The following TMEM117 variants were observed in gnomAD, a reference collection of about 807,000 sequenced individuals.
TMEM117 encodes transmembrane protein 117.
TMEM117 carries 27 observed loss-of-function variants against 52.4 expected under a neutral mutation model. The observed-to-expected ratio is 0.51, with a 90% CI of 0.38 to 0.71. TMEM117 has a LOEUF of 0.71. Ranked by LOEUF, TMEM117 falls within the 30% of genes least tolerant of loss-of-function variation. The pLI is 0.00. For missense variants in TMEM117, 556 were observed against 630.5 expected (o/e 0.88, Z 1.26); for synonymous variants, 215 against 206.3 (o/e 1.04, Z -0.36).
intron 3 of TMEM117, among the ~76,000 whole-genome samples, chr12:44,142,620 G>T (rs1400242295): frequency 2.0e-5 from 3 of 151,946 alleles, no homozygotes; most frequent in African/African-American, 7.3e-5. Flanking sequence ...ACTCTAAATT[G>T]TACAGGTATT....
chr12:44,002,875 A>G (rs73087631), intron 3 of TMEM117, among the ~76,000 whole-genome samples: 6,138 of 152,168 alleles, frequency 0.04, 202 homozygotes, highest in African/African-American at 0.089. Flanking sequence ...CAGGGACAGG[A>G]CTTTGTAGGT....
chr12:43,863,269 A>AACAC (rs1162830291), intron 2 of TMEM117, among the ~76,000 whole-genome samples: 4 of 105,046 alleles, frequency 3.8e-5, no homozygotes. Context: ...ACAACAAACA[A>AACAC]ACAAACAAAC....
At chr12:44,255,077 G>T (rs1950244072) in intron 5 of TMEM117, among the ~76,000 whole-genome samples, 1 of 152,062 alleles carries the variant, frequency 6.6e-6, no homozygotes. Flanking sequence ...ATTTGGGTTG[G>T]TTCCAAGTCT....
intron 6 of TMEM117, among the ~76,000 whole-genome samples, chr12:44,309,147 A>C (rs1004545767): frequency 6.6e-6 from 1 of 152,246 alleles, no homozygotes; most frequent in African/African-American, 2.4e-5. Context: ...CGACAAGTTC[A>C]TTAATATCAT....
intron 2 of TMEM117, among the ~76,000 whole-genome samples, chr12:43,869,240 C>CT (rs71662099): frequency 1.3e-5 from 2 of 151,976 alleles, no homozygotes; most frequent in African/African-American, 2.4e-5. Context: ...AAATGGTTCC[C>CT]TTTTTTTGTG....
At chr12:44,143,705 G>T in intron 4 of TMEM117, 81 bp downstream of exon 4, 1 of 954,574 alleles carries the variant, frequency 1.0e-6, no homozygotes, top group South Asian at 1.6e-5. Flanking sequence ...TGCTTTTGAT[G>T]ATGTAGAGTA....
chr12:44,178,644 G>A (rs984953982), intron 4 of TMEM117, among the ~76,000 whole-genome samples: 1 of 152,162 alleles, frequency 6.6e-6, no homozygotes, highest in Non-Finnish European at 1.5e-5. Flanking sequence ...GTTGAAAAGA[G>A]ATCCTAGACA....
At chr12:44,376,777 A>C in intron 7 of TMEM117, 53 bp downstream of exon 7, 8 of 1,528,116 alleles carry the variant, frequency 5.2e-6, no homozygotes, top group Non-Finnish European at 4.4e-6. Context: ...TAGTTAGGGT[A>C]ATGCTAGTTG....
At chr12:44,271,154 T>C (rs962568966) in intron 5 of TMEM117, among the ~76,000 whole-genome samples, 2 of 152,102 alleles carry the variant, frequency 1.3e-5, no homozygotes, top group African/African-American at 4.8e-5. Flanking sequence ...CCTTTCCTGG[T>C]TTTGGTATTA....
chr12:44,060,736 A>G (rs1387996341), intron 3 of TMEM117, among the ~76,000 whole-genome samples: 3 of 152,218 alleles, frequency 2.0e-5, no homozygotes, highest in Non-Finnish European at 4.4e-5. Flanking sequence ...TTAGAGCTGT[A>G]TATGTTGAAG....
intron 3 of TMEM117, among the ~76,000 whole-genome samples, chr12:44,015,089 A>G (rs1351850214): frequency 6.6e-6 from 1 of 152,144 alleles, no homozygotes; most frequent in Non-Finnish European, 1.5e-5. Flanking sequence ...TGAGACACAG[A>G]TGATGTAGTT....
intron 3 of TMEM117, among the ~76,000 whole-genome samples, chr12:44,047,354 A>T (rs1488610002): frequency 6.6e-6 from 1 of 152,130 alleles, no homozygotes; most frequent in African/African-American, 2.4e-5. Flanking sequence ...TCACATTTAA[A>T]GTGCTTTACT....
rs537747312 is a variant in TMEM117 at position 43,912,432 on chromosome 12, G to T, written c.278-31778G>T. Among the ~76,000 whole-genome samples, 10 of 150,142 alleles carry T rather than the reference G, an allele frequency of 6.7e-5. 2 individuals are homozygous for T. Among genetic ancestry groups the T allele is most frequent in the African/African-American group, 2.3e-4 (9 of 39,952 alleles). On this transcript the variant is annotated intron_variant, in intron 2 of 7. Transcript: ENST00000266534. ...TTAGTGGGTGCAGTGCACCAGCATG[G>T]CACATGTATACGTATGTAACTAACC...
chr12:44,313,156 G>T (rs1414945120), intron 6 of TMEM117, among the ~76,000 whole-genome samples: 3 of 152,114 alleles, frequency 2.0e-5, no homozygotes, highest in African/African-American at 7.2e-5. Flanking sequence ...AGTTGCTTTT[G>T]AGGACTTAGT....
intron 2 of TMEM117, among the ~76,000 whole-genome samples, chr12:43,882,735 G>A (rs1943919769): frequency 6.6e-6 from 1 of 152,156 alleles, no homozygotes; most frequent in South Asian, 2.1e-4. Flanking sequence ...TGGAAAGGAG[G>A]CTTTCTTCCT....
intron 2 of TMEM117, among the ~76,000 whole-genome samples, chr12:43,856,725 G>A (rs1731453): frequency 0.79 from 120,040 of 152,024 alleles, 50,094 homozygotes; most frequent in East Asian, 0.94. Context: ...TTGTGTGACT[G>A]TGTCAAAATT....
the TMEM117 span, chr12:43,802,584 AG>A: frequency 1.7e-5 from 13 of 752,838 alleles, no homozygotes; most frequent in African/African-American, 2.4e-4. Context: ...CACATCAAAA[AG>A]TTGAAAAGAA....
intron 4 of TMEM117, among the ~76,000 whole-genome samples, chr12:44,209,268 A>G (rs141728365): frequency 1.1e-3 from 163 of 152,178 alleles, no homozygotes; most frequent in Non-Finnish European, 2.0e-3. Flanking sequence ...TCCAGTAACA[A>G]TGTAATTCAC....
chr12:44,136,556 A>G (rs1021530983), intron 3 of TMEM117, among the ~76,000 whole-genome samples: 1 of 152,102 alleles, frequency 6.6e-6, no homozygotes, highest in Non-Finnish European at 1.5e-5. Flanking sequence ...GCAGTGGAAT[A>G]TATTTTGTTT....
Sources: gnomAD v4.1 joint callset for allele counts (sites outside exome capture counted in the v4.1 genomes callset) on GRCh38, gnomAD v4.1.1 for gene constraint, MANE v1.5 for transcripts, NCBI Gene and HGNC (gene_info 2026-07-23, HGNC 2026-07-21) for gene names.